WDFY3: variants seen among roughly 807,000 people sequenced by gnomAD.
The protein encoded by WDFY3 is WD repeat and FYVE domain-containing protein 3.
Under a neutral mutation model 409.6 loss-of-function variants are expected in WDFY3, and 66 were observed. That is an observed-to-expected ratio of 0.16 (90% CI 0.13 to 0.20). The LOEUF (loss-of-function observed/expected upper bound fraction) is 0.20. Among genes scored for constraint, WDFY3 ranks in the 10% least tolerant of loss-of-function variants. The pLI, the probability that WDFY3 is intolerant of heterozygous loss-of-function variation, is 1.00. For synonymous variants in WDFY3, 1,521 were observed against 1,537.1 expected (o/e 0.99, Z 0.25); for missense variants, 3,031 against 4,298.1 (o/e 0.71, Z 8.24).
chr4:84,786,042 A>C lies in WDFY3; in HGVS notation c.3999T>G (p.Ser1333=). 1 of 1,614,084 alleles carries C rather than the reference A, an allele frequency of 6.2e-7. No homozygotes were observed. Among genetic ancestry groups the C allele is most frequent in the African/African-American group, 1.3e-5 (1 of 75,054 alleles). ...SFGLYALSVS[S]LTVARIRKVY... is the part of the protein sequence containing the mutation. ...CTTTCCGGATTCTTGCCACTGTTAGAGACGACACAGAGAGTGCATAGAGGC... is the reference window on the plus strand; with the variant it reads ...CTTTCCGGATTCTTGCCACTGTTAGCGACGACACAGAGAGTGCATAGAGGC... Residue 1333 remains serine, a synonymous_variant, in exon 24 of 68, where the codon TCT becomes TCG. Coordinates refer to ENST00000295888, the MANE Select transcript of WDFY3 (RefSeq NM_014991.6).
Position 84,755,329 on chromosome 4 carries a change from G to A in WDFY3, c.5496C>T (p.Ile1832=). The stretch of plus-strand genomic sequence containing the variant: ...AAACAGCTTCTGTGCATACGTTATG[G>A]ATAGAAGAGACCACAGTTCCGCTGG... ...PASSGTVVSS[I]HNVCTEAVFL... is the part of the protein sequence containing the mutation. Residue 1832 remains isoleucine (I), a synonymous_variant, in exon 34 of 68, where the codon ATC becomes ATT. Transcript: ENST00000295888. The A allele has an allele frequency of 6.2e-7, 1 of 1,612,792 alleles. No homozygotes were observed. The highest frequency in any genetic ancestry group is 8.5e-7 in the Non-Finnish European group (1 of 1,179,732).
At chr4:84,885,938 G>A (rs770016080) in intron 3 of WDFY3, among the ~76,000 whole-genome samples, 6 of 152,108 alleles carry the variant, frequency 3.9e-5, no homozygotes, top group Non-Finnish European at 8.8e-5. Context: ...GTCCATCACT[G>A]AGCAAAAGAA....
At chr4:84,714,949 C>CAAAAAAA (rs770343929) in intron 50 of WDFY3, among the ~76,000 whole-genome samples, 3 of 73,112 alleles carry the variant, frequency 4.1e-5, no homozygotes, top group African/African-American at 1.5e-4. Flanking sequence ...GACTCCGTCT[C>CAAAAAAA]AAAAAAAAAA....
intron 21 of WDFY3, among the ~76,000 whole-genome samples, chr4:84,790,294 T>C (rs1428427174): frequency 6.6e-6 from 1 of 151,968 alleles, no homozygotes; most frequent in Non-Finnish European, 1.5e-5. Flanking sequence ...GAGTTTGCAG[T>C]GCTGAGATTG....
At chr4:84,852,170 C>G (rs1457349315) in intron 4 of WDFY3, among the ~76,000 whole-genome samples, 5 of 152,162 alleles carry the variant, frequency 3.3e-5, no homozygotes, top group Non-Finnish European at 7.3e-5. Flanking sequence ...CAGCTTGATA[C>G]CAGGACAATA....
chr4:84,816,752 T>C (rs150192319), intron 13 of WDFY3, among the ~76,000 whole-genome samples: 426 of 152,220 alleles, frequency 2.8e-3, no homozygotes, highest in African/African-American at 9.7e-3. Context: ...TATGGGAGAA[T>C]GTGAGTGTAT....
chr4:84,799,491 C>A (rs1001483666), intron 17 of WDFY3, among the ~76,000 whole-genome samples: 1 of 152,086 alleles, frequency 6.6e-6, no homozygotes, highest in African/African-American at 2.4e-5. Context: ...ATTTCATTAA[C>A]TGTCATTTCC....
intron 67 of WDFY3, among the ~76,000 whole-genome samples, chr4:84,674,790 C>G (rs1725979525): frequency 6.6e-6 from 1 of 151,314 alleles, no homozygotes; most frequent in Non-Finnish European, 1.5e-5. Context: ...ATCGCTTGAA[C>G]CCAGGAGGCG....
At chr4:84,954,322 C>T (rs1293293804) in intron 1 of WDFY3, among the ~76,000 whole-genome samples, 1 of 152,096 alleles carries the variant, frequency 6.6e-6, no homozygotes. Flanking sequence ...AATGATTGTT[C>T]TACAAATAAC....
intron 1 of WDFY3, among the ~76,000 whole-genome samples, chr4:84,960,414 C>G (rs946126519): frequency 2.6e-5 from 4 of 152,174 alleles, no homozygotes; most frequent in Non-Finnish European, 5.9e-5. Flanking sequence ...ACAGTCTCTT[C>G]CACTCAACTG....
rs150406398 is a variant in WDFY3 at position 84,811,607 on chromosome 4, C to T, written c.1888-1263G>A. On this transcript the variant is annotated intron_variant, in intron 13 of 67. Coordinates refer to ENST00000295888, the MANE Select transcript of WDFY3 (RefSeq NM_014991.6). ...CCAAACAGCAAGCTGAAATCTTTTT[C>T]ATGGATACAGTGGGCTCCTTTGCCC... Among the ~76,000 whole-genome samples the T allele has an allele frequency of 6.5e-3, 995 of 152,286 alleles. 8 individuals carry two copies. The highest frequency in any genetic ancestry group is 0.023 in the African/African-American group (936 of 41,552).
In WDFY3 at chr4:84,966,239, A is replaced by AGGCCCAGGAGACGGGACC. The variant is rs1176518323; in HGVS notation, c.-274_-257dup. ...GGCCGGCGGAGGGCGCGGGCGGGAC[A>AGGCCCAGGAGACGGGACC]GGCCCAGGAGACGGGACCGCGGCGG... On this transcript the variant is annotated 5_prime_UTR_variant, in exon 1 of 68. Coordinates refer to ENST00000295888, the MANE Select transcript of WDFY3 (RefSeq NM_014991.6). 2.7e-5 allele frequency: 4 copies of AGGCCCAGGAGACGGGACC among 150,722 alleles called. No individual in the cohort carries two copies. The highest frequency in any genetic ancestry group is 9.7e-5 in the African/African-American group (4 of 41,200). The allele number at this position is 150,722 out of a possible 1,614,324, so 9.3% of individuals were successfully genotyped here. A position where few individuals can be genotyped will look rare whatever the true frequency, so the allele number is the denominator to read the frequency against.
At chr4:84,831,631 A>G in intron 7 of WDFY3, 26 bp from the exon 8 acceptor site, 1 of 1,573,702 alleles carries the variant, frequency 6.4e-7, no homozygotes, top group Non-Finnish European at 8.7e-7. Context: ...AAACAAAACA[A>G]GAGTGTATAA....
intron 22 of WDFY3, 61 bp downstream of exon 22, chr4:84,789,665 A>G: frequency 6.7e-7 from 1 of 1,493,568 alleles, no homozygotes. Context: ...ACACACACAC[A>G]CACACCCCCC....
intron 16 of WDFY3, among the ~76,000 whole-genome samples, chr4:84,802,824 A>C (rs184232009): frequency 5.9e-5 from 9 of 152,328 alleles, no homozygotes; most frequent in Admixed American, 3.3e-4. Context: ...AACTAGTTTA[A>C]AGGCAAGCCT....
intron 19 of WDFY3, among the ~76,000 whole-genome samples, chr4:84,795,928 T>G (rs1365820272): frequency 6.6e-6 from 1 of 152,180 alleles, no homozygotes; most frequent in Non-Finnish European, 1.5e-5. Context: ...CTTGAAATAA[T>G]TTATTCATTT....
At chr4:84,730,459 C>T (rs925401775) in intron 44 of WDFY3, among the ~76,000 whole-genome samples, 1 of 152,142 alleles carries the variant, frequency 6.6e-6, no homozygotes, top group Non-Finnish European at 1.5e-5. Flanking sequence ...AATGGGCAAA[C>T]ATTAGAATCT....
intron 4 of WDFY3, among the ~76,000 whole-genome samples, chr4:84,853,518 C>T (rs1234630931): frequency 2.0e-5 from 3 of 152,100 alleles, no homozygotes; most frequent in African/African-American, 7.2e-5. Flanking sequence ...ATTCCTATTA[C>T]TCAGGGTGTA....
chr4:84,959,765 C>G (rs113253723), intron 1 of WDFY3, among the ~76,000 whole-genome samples: 1 of 152,100 alleles, frequency 6.6e-6, no homozygotes, highest in African/African-American at 2.4e-5. Context: ...TTGGACATAT[C>G]CCAGCAAAAA....
Sources: allele counts gnomAD v4.1 joint callset (sites outside exome capture counted in the v4.1 genomes callset), GRCh38; gene constraint gnomAD v4.1.1; transcripts MANE v1.5; gene names NCBI Gene and HGNC (gene_info 2026-07-23, HGNC 2026-07-21).